Variants in INPP5A observed in about 807,000 individuals in gnomAD.
INPP5A encodes inositol polyphosphate-5-phosphatase A, also known as 43 kDa inositol polyphosphate 5-phophatase.
Under a neutral mutation model 65.2 loss-of-function variants are expected in INPP5A, and 14 were observed. The ratio of observed to expected loss-of-function variants is 0.21; its 90% CI spans 0.14 to 0.34. The LOEUF (loss-of-function observed/expected upper bound fraction) is 0.34. Ranked by LOEUF, INPP5A falls within the 10% of genes least tolerant of loss-of-function variation. The probability of loss-of-function intolerance (pLI) is 1.00; values close to 1 mark genes in which losing one functional copy is unlikely to be tolerated. For missense variants in INPP5A, 431 were observed against 545.6 expected, an observed-to-expected ratio of 0.79 and a Z score of 2.09; for synonymous variants, 207 against 208.3, an observed-to-expected ratio of 0.99 and a Z score of 0.05.
chr10:132,605,027 T>C (rs2071828035), intron 1 of INPP5A, among the ~76,000 whole-genome samples: 1 of 151,866 alleles, frequency 6.6e-6, no homozygotes, highest in African/African-American at 2.4e-5. Flanking sequence ...GTGGATCCAC[T>C]TGTGTTTTCT....
chr10:132,629,790 A>G (rs2072240583), intron 2 of INPP5A, among the ~76,000 whole-genome samples: 1 of 151,854 alleles, frequency 6.6e-6, no homozygotes, highest in Admixed American at 6.6e-5. Context: ...GAAGGCATCC[A>G]TGAGGGAGGG....
At chr10:132,646,377 C>T (rs945549284) in intron 3 of INPP5A, among the ~76,000 whole-genome samples, 5 of 152,260 alleles carry the variant, frequency 3.3e-5, no homozygotes, top group East Asian at 1.9e-4. Context: ...AAATCTCCAT[C>T]GTTTAGGAGG....
chr10:132,582,721 A>G (rs941480654), intron 1 of INPP5A, among the ~76,000 whole-genome samples: 2 of 152,046 alleles, frequency 1.3e-5, no homozygotes, highest in Non-Finnish European at 2.9e-5. Context: ...GTTTTTCTCC[A>G]TTGGATTGCT....
chr10:132,570,423 G>A (rs890221313), intron 1 of INPP5A, among the ~76,000 whole-genome samples: 3 of 152,138 alleles, frequency 2.0e-5, no homozygotes, highest in Non-Finnish European at 2.9e-5. Flanking sequence ...GGAGCTGGAG[G>A]GTTTTCCTTC....
In INPP5A at chr10:132,551,660, G is replaced by A. The variant is rs944161909; in HGVS notation, c.75+13489G>A. 5.3e-5 allele frequency among the ~76,000 whole-genome samples: 8 copies of A among 152,162 alleles called. No individual in the cohort carries two copies. Among genetic ancestry groups the A allele is most frequent in the Non-Finnish European group, 1.0e-4 (7 of 68,034 alleles). On this transcript the variant is annotated intron_variant, in intron 1 of 15. Coordinates refer to ENST00000368594, the MANE Select transcript of INPP5A (RefSeq NM_005539.5). This position sits in a 1 kb window ranked among gnomAD's most constrained non-coding sequence, Gnocchi z 5.3. ...TTGCTGTAACGGCTGTGCCTCCCTC[G>A]CTGCTGCAGTGGGCAGTGTGTGCGT...
intron 1 of INPP5A, among the ~76,000 whole-genome samples, chr10:132,565,233 C>T (rs745652942): frequency 1.3e-5 from 2 of 152,298 alleles, no homozygotes; most frequent in South Asian, 2.1e-4. Context: ...CCTCAGTCTC[C>T]CTGAGTGCTG....
intron 4 of INPP5A, among the ~76,000 whole-genome samples, chr10:132,682,836 C>T (rs961877812): frequency 9.5e-5 from 14 of 147,946 alleles, no homozygotes; most frequent in African/African-American, 2.3e-4. Flanking sequence ...ACATGTCTGC[C>T]GTGACCCAGT....
At chr10:132,735,473 C>T (rs567844166) in intron 9 of INPP5A, among the ~76,000 whole-genome samples, 6 of 152,276 alleles carry the variant, frequency 3.9e-5, no homozygotes, top group South Asian at 2.1e-4. Context: ...GTGGCACGGG[C>T]GCCCTGGGGC....
chr10:132,577,856 C>T (rs746042558), intron 1 of INPP5A, among the ~76,000 whole-genome samples: 16 of 152,208 alleles, frequency 1.1e-4, no homozygotes, highest in African/African-American at 2.7e-4. Flanking sequence ...GTTGGTTACT[C>T]GGCAGCCGTC....
At position 132,726,683 on chromosome 10, in the gene INPP5A, G is replaced by A. The variant is rs988148344; in HGVS notation, c.648-138G>A. On this transcript the variant is annotated intron_variant, in intron 8 of 15. Transcript: ENST00000368594. ...GAGCTGAATTTTGGGTGTGCAAAGA[G>A]GCAACCACTGAGGTTCCCCTGCAGC... is the stretch of plus-strand genomic sequence containing the variant. 12 of 626,290 alleles carry A rather than the reference G, an allele frequency of 1.9e-5. No homozygotes were observed. In the African/African-American group the frequency reaches 2.2e-4, roughly 11 times the overall value. 38.8% of individuals were successfully genotyped at this position (626,290 alleles called of 1,614,324 possible).
chr10:132,729,755 A>G lies in INPP5A; in HGVS notation c.732+2850A>G, dbSNP rs557619627. ...CGAAGATTCCCATCACCAATAAACCAGTGGGATCTTCCACGGCAGCCTTCA... is the reference window on the plus strand; with the variant it reads ...CGAAGATTCCCATCACCAATAAACCGGTGGGATCTTCCACGGCAGCCTTCA... On this transcript the variant is annotated intron_variant, in intron 9 of 15. Transcript: ENST00000368594. Among the ~76,000 whole-genome samples the G allele has an allele frequency of 2.0e-5, 3 of 152,336 alleles. No individual in the cohort carries two copies. In the South Asian group the frequency reaches 6.2e-4, roughly 32 times the overall value.
Position 132,634,788 on chromosome 10 carries a change from G to T in INPP5A, c.118-11080G>T, listed in dbSNP as rs532888976. Among the ~76,000 whole-genome samples the T allele has an allele frequency of 1.3e-4, 20 of 152,364 alleles. No homozygotes were observed. In the South Asian group the frequency reaches 4.1e-3, roughly 32 times the overall value. ...GTCCAATGAATGTTGCCGCCACTGCGGCTCACGGTGGCCCTCCCAGGCTCT... is the reference window on the plus strand; with the variant it reads ...GTCCAATGAATGTTGCCGCCACTGCTGCTCACGGTGGCCCTCCCAGGCTCT... On this transcript the variant is annotated intron_variant, in intron 2 of 15. Transcript: ENST00000368594.
chr10:132,554,246 G>A (rs1289261777), intron 1 of INPP5A, among the ~76,000 whole-genome samples: 2 of 152,208 alleles, frequency 1.3e-5, no homozygotes, highest in Non-Finnish European at 2.9e-5. Context: ...AAGGGGTAGT[G>A]TACTGTGCTG....
intron 4 of INPP5A, among the ~76,000 whole-genome samples, chr10:132,657,411 C>T (rs1400326426): frequency 3.3e-5 from 5 of 152,214 alleles, no homozygotes; most frequent in Admixed American, 1.3e-4. Context: ...GCCTCCCCCG[C>T]GGCTGGGTCT....
At chr10:132,540,055 A>G (rs1027075367) in intron 1 of INPP5A, among the ~76,000 whole-genome samples, 2 of 152,200 alleles carry the variant, frequency 1.3e-5, no homozygotes, top group Non-Finnish European at 2.9e-5. Flanking sequence ...TTGGCGTTCT[A>G]TTCTAGGCTT....
rs116900883 is a variant in INPP5A, at chr10:132,662,663, G to A, written c.306+12158G>A. Among the ~76,000 whole-genome samples, 20 of 152,290 alleles carry A rather than the reference G, an allele frequency of 1.3e-4. No homozygotes were observed. In the East Asian group the frequency reaches 2.9e-3, roughly 22 times the overall value. ...CAGGTCAAGCCCAGGAGGGGAGCAC[G>A]GTAGATCCCCGCACCTTGGCCGAGG... On this transcript the variant is annotated intron_variant, in intron 4 of 15. Transcript: ENST00000368594.
Position 132,538,300 on chromosome 10 carries a change from T to G in INPP5A, c.75+129T>G. 2.6e-6 allele frequency: 1 copy of G among 385,584 alleles called. No individual in the cohort carries two copies. The highest frequency in any genetic ancestry group is 4.1e-6 in the Non-Finnish European group (1 of 245,152). 23.9% of individuals were successfully genotyped at this position (385,584 alleles called of 1,614,324 possible). On this transcript the variant is annotated intron_variant, in intron 1 of 15. Transcript: ENST00000368594. This position sits in a 1 kb window ranked among gnomAD's most constrained non-coding sequence, Gnocchi z 4.1. ...CCCAGAGGCCCCAGACTCTGATCCC[T>G]GTACCCGGGACCCCAGACTCCTGTC...
rs995315671 is a variant in INPP5A, at chr10:132,575,634, G to A, written c.76-32281G>A. Among the ~76,000 whole-genome samples the A allele has an allele frequency of 1.3e-5, 2 of 152,292 alleles. No homozygotes were observed. The highest frequency in any genetic ancestry group is 3.9e-4 in the East Asian group (2 of 5,184). ...GTGGAAGTGCGTTTATTTGAAATCC[G>A]TAAACAGTGTTTATCTTGGCGAGGA... On this transcript the variant is annotated intron_variant, in intron 1 of 15. Coordinates refer to ENST00000368594, the MANE Select transcript of INPP5A (RefSeq NM_005539.5). This position sits in a 1 kb window ranked among gnomAD's most constrained non-coding sequence, Gnocchi z 5.4.
intron 1 of INPP5A, among the ~76,000 whole-genome samples, chr10:132,544,771 C>G (rs1181340201): frequency 6.6e-6 from 1 of 152,200 alleles, no homozygotes; most frequent in Non-Finnish European, 1.5e-5. Context: ...ATTTGGGACG[C>G]AGCAGGCTGT....
Sources: gnomAD v4.1 joint callset for allele counts (sites outside exome capture counted in the v4.1 genomes callset) on GRCh38, gnomAD v4.1.1 for gene constraint, Gnocchi (gnomAD v3.1) non-coding constraint, MANE v1.5 for transcripts, NCBI Gene and HGNC (gene_info 2026-07-23, HGNC 2026-07-21) for gene names.